Variants in LRRC56 observed in about 807,000 individuals in gnomAD.
LRRC56 encodes leucine rich repeat containing 56, also known as leucine-rich repeat-containing protein 56.
A neutral mutation model predicts 47.8 loss-of-function variants in LRRC56; 41 were observed. The observed-to-expected ratio is 0.86, with a 90% CI of 0.67 to 1.11. The LOEUF is 1.11. Among genes scored for constraint, LRRC56 ranks in the 50% most tolerant of loss-of-function variants. LRRC56 has a pLI of 0.00. For missense variants in LRRC56, 759 were observed against 704.2 expected, an observed-to-expected ratio of 1.08 and a Z score of -0.88; for synonymous variants, 387 against 311.2, an observed-to-expected ratio of 1.24 and a Z score of -2.56.
At chr11:532,939 C>A (rs546458687), upstream of LRRC56, among the ~76,000 whole-genome samples, 1 of 152,200 alleles carries the variant, frequency 6.6e-6, no homozygotes, top group Admixed American at 6.5e-5. Flanking sequence ...CAGGGCCACC[C>A]GCATCATGCT....
the LRRC56 span, among the ~76,000 whole-genome samples, chr11:518,820 C>G: frequency 1.3e-5 from 2 of 152,016 alleles, no homozygotes; most frequent in African/African-American, 4.8e-5. Context: ...TGGCCGGCGG[C>G]GCGCGAGGAA....
the LRRC56 span, among the ~76,000 whole-genome samples, chr11:516,259 G>A: frequency 6.6e-6 from 1 of 152,074 alleles, no homozygotes; most frequent in African/African-American, 2.4e-5. Context: ...CAGGCATGGT[G>A]GTACACGCCT....
chr11:536,284 A>T (rs45473693), upstream of LRRC56, among the ~76,000 whole-genome samples: 1 of 152,096 alleles, frequency 6.6e-6, no homozygotes, highest in Non-Finnish European at 1.5e-5. Context: ...AGTCCCCCCA[A>T]ACTTGAGGTT....
In LRRC56 at chr11:543,780, G is replaced by A. The variant is rs143003038; in HGVS notation, c.266-940G>A. 4.6e-3 allele frequency among the ~76,000 whole-genome samples: 697 copies of A among 151,158 alleles called. 3 individuals carry two copies. The highest frequency in any genetic ancestry group is 0.016 in the African/African-American group (668 of 41,162). ...TATTTTTTTTTTGAGACGGAGTCTC[G>A]CTCTGTCACCCAGGCTGGAGTGCAG... On this transcript the variant is annotated intron_variant, in intron 5 of 13. Coordinates refer to ENST00000270115, the MANE Select transcript of LRRC56 (RefSeq NM_198075.4).
the LRRC56 span, among the ~76,000 whole-genome samples, chr11:525,760 C>A: frequency 6.6e-6 from 1 of 151,876 alleles, no homozygotes; most frequent in African/African-American, 2.4e-5. Context: ...TTTAGCCAGG[C>A]ATGCTGGTGC....
Position 554,570 on chromosome 11 carries a change from C to T in LRRC56, c.*294C>T. ...GGGCACGGGGGTGGGGGGTGGTCAC[C>T]CGAGCAGGCCTGTGAGAGGCCTCTC... On this transcript the variant is annotated 3_prime_UTR_variant, in exon 14 of 14. Transcript: ENST00000270115. The T allele has an allele frequency of 2.4e-6, 1 of 414,614 alleles. No individual in the cohort carries two copies. 25.7% of individuals were successfully genotyped at this position (414,614 alleles called of 1,614,324 possible).
At chr11:553,397 C>T (rs1222304893) in intron 13 of LRRC56, among the ~76,000 whole-genome samples, 2 of 152,130 alleles carry the variant, frequency 1.3e-5, no homozygotes, top group African/African-American at 2.4e-5. Context: ...CAAGCCTCTG[C>T]TCTTCCATAT....
Position 551,699 on chromosome 11 carries a change from T to A in LRRC56, c.845T>A (p.Leu282Gln). 1 of 1,610,290 alleles carries A rather than the reference T, an allele frequency of 6.2e-7. No individual in the cohort carries two copies. The highest frequency in any genetic ancestry group is 1.1e-5 in the South Asian group (1 of 90,816). ...CGGAGACTTGACCCCGAGCTGTCCCTGCCTGAGACGCAGTCCCGGGCCTCC... is the reference window on the plus strand; with the variant it reads ...CGGAGACTTGACCCCGAGCTGTCCCAGCCTGAGACGCAGTCCCGGGCCTCC... ...PIRRLDPELS[L>Q]PETQSRASRP... The change falls in exon 10 of 14, where the codon CTG (leucine) becomes CAG (glutamine). Residue 282 changes from leucine to glutamine, a missense_variant. Physicochemically the swap from Leu to Gln is moderately radical, Grantham distance 113 (BLOSUM62 -2). Transcript: ENST00000270115.
At chr11:507,482 G>GGCGGGC in the LRRC56 span, among the ~76,000 whole-genome samples, 9 of 152,012 alleles carry the variant, frequency 5.9e-5, no homozygotes, top group South Asian at 2.1e-4. Context: ...GGCGGGGTCT[G>GGCGGGC]GCGGGCGCGG....
At chr11:518,319 C>T in the LRRC56 span, among the ~76,000 whole-genome samples, 4 of 151,886 alleles carry the variant, frequency 2.6e-5, no homozygotes, top group African/African-American at 9.7e-5. Flanking sequence ...GTAGCTGGGA[C>T]TACAGGTGCC....
At chr11:533,261 G>A (rs771825644), upstream of LRRC56, 6 of 1,567,346 alleles carry the variant, frequency 3.8e-6, no homozygotes, top group Admixed American at 3.7e-5. Flanking sequence ...CTGCCCTGCC[G>A]TCCCGGGAGA....
the LRRC56 span, among the ~76,000 whole-genome samples, chr11:512,864 A>G: frequency 2.0e-5 from 3 of 152,198 alleles, no homozygotes; most frequent in African/African-American, 4.8e-5. Flanking sequence ...GGCTTTGCCC[A>G]GGAAACAATT....
rs1238252947 is a variant in LRRC56, at chr11:554,218, C to G, written c.1571C>G (p.Ala524Gly). The G allele has an allele frequency of 6.5e-7, 1 of 1,527,216 alleles. No individual in the cohort carries two copies. Among genetic ancestry groups the G allele is most frequent in the Non-Finnish European group, 8.8e-7 (1 of 1,139,650 alleles). 94.6% of individuals were successfully genotyped at this position (1,527,216 alleles called of 1,614,324 possible). The change falls in exon 14 of 14, where the codon GCA becomes GGA. Residue 524 changes from alanine to glycine, a missense_variant. By Grantham distance (60) the Ala-to-Gly change is moderately conservative. Coordinates refer to ENST00000270115, the MANE Select transcript of LRRC56 (RefSeq NM_198075.4). ...GCPGPKPAPD[A>G]AARPPRAAEL... Reference sequence around the variant, plus strand: ...CCTGGCCCAAAGCCAGCACCAGATGCAGCAGCTAGACCTCCCAGGGCAGCT... The same window carrying G: ...CCTGGCCCAAAGCCAGCACCAGATGGAGCAGCTAGACCTCCCAGGGCAGCT...
intron 9 of LRRC56, 129 bp downstream of exon 9, chr11:551,431 C>T (rs1852382559): frequency 1.3e-6 from 1 of 793,454 alleles, no homozygotes; most frequent in South Asian, 1.9e-5. Context: ...CCCCGGTCCC[C>T]AGAGCTGTGC....
At chr11:534,478 G>A, upstream of LRRC56, 1 of 635,830 alleles carries the variant, frequency 1.6e-6, no homozygotes, top group Non-Finnish European at 2.8e-6. Flanking sequence ...AGCGGTCCCT[G>A]GGCCCCAACG....
At chr11:542,275 A>G (rs67182149) in intron 5 of LRRC56, among the ~76,000 whole-genome samples, 15,789 of 150,630 alleles carry the variant, frequency 0.1, 994 homozygotes, top group South Asian at 0.18. Flanking sequence ...AACAAAGGCC[A>G]AAATGGTGCT....
In LRRC56 at chr11:551,981, G is replaced by A. The variant is rs758897310; in HGVS notation, c.1038+14G>A. Reference sequence around the variant, plus strand: ...CACCAGTGCCAGGTACAGCCCACAGGGACCAGCCCCCCACGAGAACCAGTG... The same window carrying A: ...CACCAGTGCCAGGTACAGCCCACAGAGACCAGCCCCCCACGAGAACCAGTG... On this transcript the variant is annotated intron_variant, in intron 11 of 13. Transcript: ENST00000270115. 6.2e-6 allele frequency: 10 copies of A among 1,612,280 alleles called. No homozygotes were observed. The South Asian group carries it at 8.8e-5, about 14-fold the overall frequency.
chr11:508,112 G>A, the LRRC56 span, among the ~76,000 whole-genome samples: 2 of 152,218 alleles, frequency 1.3e-5, no homozygotes, highest in African/African-American at 2.4e-5. Context: ...GGAAACTAAC[G>A]GTATCTCAGA....
At position 554,133 on chromosome 11, in the gene LRRC56, G is replaced by A. The variant is rs1190898966; in HGVS notation, c.1486G>A (p.Val496Met). 1 of 1,602,840 alleles carries A rather than the reference G, an allele frequency of 6.2e-7. No individual in the cohort carries two copies. Among genetic ancestry groups the A allele is most frequent in the African/African-American group, 1.3e-5 (1 of 74,840 alleles). Residue 496 changes from valine to methionine, a missense_variant, in exon 14 of 14, where the codon GTG (valine) becomes ATG (methionine). Val to Met is a conservative substitution (Grantham distance 21). Transcript: ENST00000270115. ...GPGLGDGVAA[V>M]PVLRALEVAS... ...TGGCCTGGGTGATGGGGTGGCTGCA[G>A]TGCCTGTCCTGAGAGCCCTGGAGGT...
Sources: allele counts gnomAD v4.1 joint callset (sites outside exome capture counted in the v4.1 genomes callset), GRCh38; gene constraint gnomAD v4.1.1; transcripts MANE v1.5; gene names NCBI Gene and HGNC (gene_info 2026-07-23, HGNC 2026-07-21).